FAM120B: variants seen among roughly 807,000 people sequenced by gnomAD.
FAM120B encodes the protein family with sequence similarity 120 member B, also known as constitutive coactivator of peroxisome proliferator-activated receptor gamma.
Under a neutral mutation model 96.3 loss-of-function variants are expected in FAM120B, and 83 were observed. The observed-to-expected ratio is 0.86, with a 90% CI of 0.72 to 1.03. The LOEUF (loss-of-function observed/expected upper bound fraction) is 1.03, where lower values mean the gene tolerates loss of function less well. Ranked by LOEUF, FAM120B falls within the 50% of genes least tolerant of loss-of-function variation. FAM120B has a pLI of 0.00. For synonymous variants in FAM120B, 407 were observed against 402.7 expected (o/e 1.01, Z -0.13); for missense variants, 1,027 against 1,121.2 (o/e 0.92, Z 1.20).
chr6:170,299,365 T>A (rs555433447), intron 1 of FAM120B, among the ~76,000 whole-genome samples: 10 of 152,262 alleles, frequency 6.6e-5, no homozygotes, highest in Non-Finnish European at 1.5e-4. Flanking sequence ...GTTTCTGTAG[T>A]GACACTGTCT....
rs1788592524 is a variant in FAM120B at position 170,363,516 on chromosome 6, GTGTT to G, written c.2283+5203_2283+5206del. ...CAGAAAACAGCAAGCTGTGTGTGCT[GTGTT>G]TGTTAACATAGAGTGTGATGACTGA... On this transcript the variant is annotated intron_variant, in intron 6 of 10. Transcript: ENST00000476287. This position sits in a 1 kb window ranked among gnomAD's most constrained non-coding sequence, Gnocchi z 4.5. 6.6e-6 allele frequency among the ~76,000 whole-genome samples: 1 copy of G among 152,252 alleles called. No homozygotes were observed.
intron 6 of FAM120B, among the ~76,000 whole-genome samples, chr6:170,386,281 A>G (rs528853986): frequency 8.5e-5 from 13 of 152,096 alleles, no homozygotes; most frequent in Non-Finnish European, 1.3e-4. Context: ...CTAAAAACAT[A>G]AAGTCCTTTT....
intron 3 of FAM120B, among the ~76,000 whole-genome samples, chr6:170,328,559 A>G (rs1239358230): frequency 6.6e-6 from 1 of 152,006 alleles, no homozygotes; most frequent in African/African-American, 2.4e-5. Flanking sequence ...TTTCTCCTCT[A>G]GCTGTCTTTG....
intron 1 of FAM120B, among the ~76,000 whole-genome samples, chr6:170,299,416 G>C (rs1583165358): frequency 6.6e-6 from 1 of 152,180 alleles, no homozygotes; most frequent in Non-Finnish European, 1.5e-5. Flanking sequence ...CTCTCTTCTT[G>C]AGAGATTATG....
At chr6:170,375,514 G>A (rs1789454537) in intron 6 of FAM120B, among the ~76,000 whole-genome samples, 1 of 152,130 alleles carries the variant, frequency 6.6e-6, no homozygotes. Context: ...TTCTAAAATG[G>A]AATCAGCATA....
chr6:170,348,526 C>T (rs1334919804), intron 5 of FAM120B, among the ~76,000 whole-genome samples: 1 of 152,208 alleles, frequency 6.6e-6, no homozygotes, highest in African/African-American at 2.4e-5. Flanking sequence ...GTCACTACCT[C>T]AGCTTTAGAG....
chr6:170,292,549 T>C (rs538366644), upstream of FAM120B, among the ~76,000 whole-genome samples: 2 of 152,326 alleles, frequency 1.3e-5, no homozygotes, highest in East Asian at 3.9e-4. This position sits in a 1 kb window ranked among gnomAD's most constrained non-coding sequence, Gnocchi z 6.6. Flanking sequence ...AGCTGCCTTA[T>C]TGGTGAGAAC....
intron 6 of FAM120B, among the ~76,000 whole-genome samples, chr6:170,387,835 C>T (rs938079577): frequency 1.3e-5 from 2 of 152,176 alleles, no homozygotes; most frequent in African/African-American, 2.4e-5. Flanking sequence ...CTTTTGGCTT[C>T]CCTGTCTGTC....
At chr6:170,378,597 GA>G (rs758710978) in intron 6 of FAM120B, among the ~76,000 whole-genome samples, 1 of 151,654 alleles carries the variant, frequency 6.6e-6, no homozygotes, top group Admixed American at 6.5e-5. Flanking sequence ...CTGCAGCCTA[GA>G]GGGGGAAGAG....
At chr6:170,346,772 A>G in intron 4 of FAM120B, among the ~76,000 whole-genome samples, 1 of 151,918 alleles carries the variant, frequency 6.6e-6, no homozygotes, top group Non-Finnish European at 1.5e-5. Flanking sequence ...CATGGGGTGC[A>G]TAAAAACAGG....
At chr6:170,404,471 T>C in intron 9 of FAM120B, 79 bp from the exon 10 acceptor site, 6 of 1,288,688 alleles carry the variant, frequency 4.7e-6, no homozygotes, top group Non-Finnish European at 6.7e-6. Context: ...TTGTTCATAC[T>C]TAGAAATGTG....
At chr6:170,304,652 C>A (rs1784216329), upstream of FAM120B, among the ~76,000 whole-genome samples, 1 of 152,190 alleles carries the variant, frequency 6.6e-6, no homozygotes, top group Non-Finnish European at 1.5e-5. Context: ...GCCTTCAAGG[C>A]CTCCCCAGTC....
chr6:170,314,572 G>A (rs1277073479), intron 1 of FAM120B, among the ~76,000 whole-genome samples: 1 of 152,088 alleles, frequency 6.6e-6, no homozygotes, highest in Non-Finnish European at 1.5e-5. Context: ...TAATTTGCAG[G>A]TAGAATGACT....
intron 6 of FAM120B, among the ~76,000 whole-genome samples, chr6:170,378,119 TTC>T (rs2115275657): frequency 6.6e-6 from 1 of 152,364 alleles, no homozygotes; most frequent in African/African-American, 2.4e-5. Flanking sequence ...AAATGCTCAT[TTC>T]TGTCTGTGGA....
chr6:170,382,708 G>A (rs558254326), intron 6 of FAM120B, among the ~76,000 whole-genome samples: 2 of 152,214 alleles, frequency 1.3e-5, no homozygotes, highest in Non-Finnish European at 1.5e-5. Context: ...CAGCAGAGAC[G>A]TGGGTTCCCT....
At chr6:170,316,262 G>A (rs575294551) in intron 1 of FAM120B, among the ~76,000 whole-genome samples, 15 of 152,156 alleles carry the variant, frequency 9.9e-5, no homozygotes, top group Non-Finnish European at 1.9e-4. Flanking sequence ...CTCAACATGA[G>A]AGATACCCAT....
upstream of FAM120B, chr6:170,290,858 G>A (rs1783847148): frequency 3.0e-6 from 2 of 655,952 alleles, no homozygotes; most frequent in African/African-American, 3.6e-5. This position sits in a 1 kb window ranked among gnomAD's most constrained non-coding sequence, Gnocchi z 4.7. Flanking sequence ...GCTCTGCGCC[G>A]CGGCTGCCCG....
At chr6:170,308,470 T>A (rs1220430649) in intron 1 of FAM120B, among the ~76,000 whole-genome samples, 1 of 152,142 alleles carries the variant, frequency 6.6e-6, no homozygotes, top group Non-Finnish European at 1.5e-5. Flanking sequence ...AGGTGACATC[T>A]GGGGTAACGT....
At chr6:170,303,833 T>C (rs1784194721), upstream of FAM120B, among the ~76,000 whole-genome samples, 1 of 152,254 alleles carries the variant, frequency 6.6e-6, no homozygotes, top group South Asian at 2.1e-4. Context: ...TTGTTTTCAC[T>C]AGATTCAATA....
Sources: allele counts gnomAD v4.1 joint callset (sites outside exome capture counted in the v4.1 genomes callset), GRCh38; gene constraint gnomAD v4.1.1; non-coding constraint Gnocchi (gnomAD v3.1); transcripts MANE v1.5; gene names NCBI Gene and HGNC (gene_info 2026-07-23, HGNC 2026-07-21).